Variants in NEURL1 observed in about 807,000 individuals in gnomAD.
NEURL1 encodes the protein neuralized E3 ubiquitin protein ligase 1, also known as E3 ubiquitin-protein ligase NEURL1.
NEURL1 carries 26 observed loss-of-function variants against 41.2 expected under a neutral mutation model. The ratio of observed to expected loss-of-function variants is 0.63; its 90% CI spans 0.46 to 0.87. The LOEUF is 0.87. NEURL1 is among the 40% of genes least tolerant of loss of function. NEURL1 has a pLI of 0.00. For synonymous variants in NEURL1, 400 were observed against 402.3 expected (o/e 0.99, Z 0.07); for missense variants, 761 against 871.1 (o/e 0.87, Z 1.59).
chr10:103,520,272 T>A (rs1317264822), intron 1 of NEURL1, among the ~76,000 whole-genome samples: 1 of 152,196 alleles, frequency 6.6e-6, no homozygotes, highest in Non-Finnish European at 1.5e-5. Context: ...GCTGTATATT[T>A]CACCTGGGTG....
At chr10:103,578,498 A>T (rs2035714355) in intron 3 of NEURL1, among the ~76,000 whole-genome samples, 1 of 152,152 alleles carries the variant, frequency 6.6e-6, no homozygotes, top group East Asian at 1.9e-4. Flanking sequence ...GGCCAGAGAG[A>T]GGGTGAGGGG....
chr10:103,506,020 G>A (rs2033938441), intron 1 of NEURL1, among the ~76,000 whole-genome samples: 1 of 152,222 alleles, frequency 6.6e-6, no homozygotes, highest in Non-Finnish European at 1.5e-5. Context: ...GAAGAGGGAA[G>A]TATGTCTGCT....
rs144664355 is a variant in NEURL1 at position 103,528,012 on chromosome 10, G to T, written c.85+33540G>T. ...AGGTGGACCAATCATCTCAGGTCAG[G>T]AGTTTGAGACCAGCCTGGCCAACAT... On this transcript the variant is annotated intron_variant, in intron 1 of 5. Coordinates refer to ENST00000369780, the MANE Select transcript of NEURL1 (RefSeq NM_004210.5). Among the ~76,000 whole-genome samples, 1,224 of 152,248 alleles carry T rather than the reference G, an allele frequency of 8.0e-3. 13 individuals are homozygous for T. The highest frequency in any genetic ancestry group is 0.028 in the African/African-American group (1,152 of 41,546).
At chr10:103,519,865 C>A (rs973944002) in intron 1 of NEURL1, among the ~76,000 whole-genome samples, 1 of 151,420 alleles carries the variant, frequency 6.6e-6, no homozygotes, top group African/African-American at 2.4e-5. Context: ...TTTATTGCAG[C>A]CTTGACCCCC....
intron 1 of NEURL1, among the ~76,000 whole-genome samples, chr10:103,561,894 G>A (rs2035301235): frequency 6.6e-6 from 1 of 152,190 alleles, no homozygotes; most frequent in African/African-American, 2.4e-5. Context: ...GGCAGGGAAG[G>A]GAGCTGCTCC....
intron 3 of NEURL1, chr10:103,577,668 G>T (rs1340398803): frequency 6.6e-6 from 1 of 152,270 alleles, no homozygotes; most frequent in Non-Finnish European, 1.5e-5. Flanking sequence ...GCTTACAAGA[G>T]CTCAAGGCAT....
In NEURL1 at chr10:103,556,646, T is replaced by C. The variant is rs1241680662; in HGVS notation, c.86-14226T>C. Among the ~76,000 whole-genome samples, 1 of 152,182 alleles carries C rather than the reference T, an allele frequency of 6.6e-6. No homozygotes were observed. The highest frequency in any genetic ancestry group is 2.4e-5 in the African/African-American group (1 of 41,456). On this transcript the variant is annotated intron_variant, in intron 1 of 5. Coordinates refer to ENST00000369780, the MANE Select transcript of NEURL1 (RefSeq NM_004210.5). The surrounding 1 kb of genome is among the most constrained non-coding windows in gnomAD (Gnocchi z 4.4). ...GGAAAGATGTAGGAAAAGCAAATCATTGGCTCTCTTAAAAGGAAATGAATT... is the reference window on the plus strand; with the variant it reads ...GGAAAGATGTAGGAAAAGCAAATCACTGGCTCTCTTAAAAGGAAATGAATT...
chr10:103,509,437 A>G (rs1327541778), intron 1 of NEURL1, among the ~76,000 whole-genome samples: 3 of 152,192 alleles, frequency 2.0e-5, no homozygotes, highest in South Asian at 2.1e-4. Context: ...ACAAACCTAT[A>G]TAGCATTACT....
At chr10:103,531,282 A>T (rs2034564643) in intron 1 of NEURL1, among the ~76,000 whole-genome samples, 1 of 152,200 alleles carries the variant, frequency 6.6e-6, no homozygotes, top group Admixed American at 6.5e-5. Flanking sequence ...TACATAGTGC[A>T]GTTTAAATTT....
intron 3 of NEURL1, among the ~76,000 whole-genome samples, chr10:103,583,306 A>G (rs1268964896): frequency 5.9e-5 from 9 of 152,146 alleles, no homozygotes; most frequent in Admixed American, 2.6e-4. Flanking sequence ...ATTTAGTGAG[A>G]ATGTTCATTT....
chr10:103,561,960 G>A (rs756728266), intron 1 of NEURL1, among the ~76,000 whole-genome samples: 11 of 152,314 alleles, frequency 7.2e-5, no homozygotes, highest in Admixed American at 4.6e-4. Flanking sequence ...GGCAAGGCAC[G>A]AAGTGGGTGC....
intron 1 of NEURL1, among the ~76,000 whole-genome samples, chr10:103,559,861 T>C (rs1272394283): frequency 3.3e-5 from 5 of 151,108 alleles, no homozygotes; most frequent in Non-Finnish European, 7.4e-5. Context: ...CACACACATG[T>C]ACATGTACAC....
chr10:103,494,660 G>C, intron 1 of NEURL1, 188 bp downstream of exon 1: 1 of 581,380 alleles, frequency 1.7e-6, no homozygotes, highest in South Asian at 2.1e-5. Flanking sequence ...ATGGCGTCCC[G>C]CGGGGTCTGC....
chr10:103,539,539 C>A (rs1057503517), intron 1 of NEURL1, among the ~76,000 whole-genome samples: 1 of 152,148 alleles, frequency 6.6e-6, no homozygotes, highest in Non-Finnish European at 1.5e-5. Flanking sequence ...AGGGACAACA[C>A]GGCTTCTCAT....
At chr10:103,510,336 G>A (rs914473577) in intron 1 of NEURL1, among the ~76,000 whole-genome samples, 1 of 152,212 alleles carries the variant, frequency 6.6e-6, no homozygotes, top group Non-Finnish European at 1.5e-5. Flanking sequence ...GCTTTGCTTG[G>A]TGAGTCAAAT....
At chr10:103,555,529 T>C in intron 1 of NEURL1, 1 of 878,500 alleles carries the variant, frequency 1.1e-6, no homozygotes, top group South Asian at 1.6e-5. Flanking sequence ...TCTCACTCCA[T>C]GGAGGGGTCT....
chr10:103,498,867 C>T (rs1174864780), intron 1 of NEURL1, among the ~76,000 whole-genome samples: 1 of 152,130 alleles, frequency 6.6e-6, no homozygotes, highest in Admixed American at 6.5e-5. Flanking sequence ...TAGCGTGCAC[C>T]TTTTTTCCTT....
chr10:103,512,617 A>G (rs1033171551), intron 1 of NEURL1, among the ~76,000 whole-genome samples: 5 of 152,092 alleles, frequency 3.3e-5, no homozygotes, highest in Non-Finnish European at 7.4e-5. Context: ...GGTGACATGG[A>G]GAAACCCCAT....
intron 1 of NEURL1, among the ~76,000 whole-genome samples, chr10:103,533,805 G>A (rs1306797356): frequency 1.3e-5 from 2 of 152,072 alleles, no homozygotes; most frequent in Non-Finnish European, 2.9e-5. Flanking sequence ...CAAAGTGCTG[G>A]GATTACAGGC....
Sources: gnomAD v4.1 joint callset for allele counts (sites outside exome capture counted in the v4.1 genomes callset) on GRCh38, gnomAD v4.1.1 for gene constraint, Gnocchi (gnomAD v3.1) non-coding constraint, MANE v1.5 for transcripts, NCBI Gene and HGNC (gene_info 2026-07-23, HGNC 2026-07-21) for gene names.